The following GLI3 variants were observed in gnomAD, a reference collection of about 807,000 sequenced individuals.
The protein encoded by GLI3 is transcription activator GLI3.
GLI3 carries 20 observed loss-of-function variants against 100.8 expected under a neutral mutation model. The observed-to-expected ratio is 0.20, with a 90% CI of 0.14 to 0.29. The LOEUF (loss-of-function observed/expected upper bound fraction) is 0.29, where lower values mean the gene tolerates loss of function less well. Ranked by LOEUF, GLI3 falls within the 10% of genes least tolerant of loss-of-function variation. The probability of loss-of-function intolerance (pLI) is 1.00; values close to 1 mark genes in which losing one functional copy is unlikely to be tolerated. For synonymous variants in GLI3, 938 were observed against 860.5 expected, an observed-to-expected ratio of 1.09 and a Z score of -1.58; for missense variants, 2,040 against 2,128.5, an observed-to-expected ratio of 0.96 and a Z score of 0.82.
At chr7:42,121,123 G>T (rs1431135733) in intron 3 of GLI3, among the ~76,000 whole-genome samples, 1 of 152,092 alleles carries the variant, frequency 6.6e-6, no homozygotes, top group African/African-American at 2.4e-5. Flanking sequence ...TTCCCTCTTC[G>T]ACTTGAATCA....
chr7:42,160,540 T>G (rs1005323902), intron 2 of GLI3, among the ~76,000 whole-genome samples: 1 of 152,214 alleles, frequency 6.6e-6, no homozygotes, highest in Non-Finnish European at 1.5e-5. Flanking sequence ...TGAGATCAGG[T>G]GTAGAGTTTT....
intron 3 of GLI3, among the ~76,000 whole-genome samples, chr7:42,141,769 G>A (rs553941091): frequency 1.2e-4 from 18 of 152,344 alleles, no homozygotes; most frequent in Admixed American, 3.3e-4. Flanking sequence ...AGGTGACTAA[G>A]TTTGGATCAG....
At chr7:42,060,221 T>C (rs1266387913) in intron 4 of GLI3, among the ~76,000 whole-genome samples, 1 of 152,194 alleles carries the variant, frequency 6.6e-6, no homozygotes, top group Non-Finnish European at 1.5e-5. Flanking sequence ...CTGCTGCCAT[T>C]CCTAGAGCTC....
chr7:42,237,987 C>G (rs1041919995), upstream of GLI3: 1 of 155,424 alleles, frequency 6.4e-6, no homozygotes, highest in Non-Finnish European at 1.3e-5. Flanking sequence ...CCGCCGCCGC[C>G]GCCGCCGCCG....
At chr7:42,039,991 TG>T in intron 7 of GLI3, 46 bp downstream of exon 7, 1 of 1,405,760 alleles carries the variant, frequency 7.1e-7, no homozygotes, top group Non-Finnish European at 1.0e-6. Flanking sequence ...AAACAAGTGC[TG>T]ACATTACATT....
chr7:42,174,143 C>T (rs1057476939), intron 2 of GLI3, among the ~76,000 whole-genome samples: 3 of 151,958 alleles, frequency 2.0e-5, no homozygotes, highest in African/African-American at 7.3e-5. Flanking sequence ...AGTTAAAATA[C>T]TAGATAAAAC....
chr7:42,086,917 C>A (rs771256528), intron 3 of GLI3, among the ~76,000 whole-genome samples: 1 of 152,152 alleles, frequency 6.6e-6, no homozygotes, highest in Non-Finnish European at 1.5e-5. Context: ...ACCAACACAG[C>A]CATGGGGGTG....
chr7:42,130,305 G>A (rs1014262637), intron 3 of GLI3, among the ~76,000 whole-genome samples: 8 of 152,100 alleles, frequency 5.3e-5, no homozygotes, highest in African/African-American at 1.4e-4. Context: ...CCTTCTCCAC[G>A]GTTTTGGGGA....
At chr7:42,014,780 G>A (rs1367712020) in intron 10 of GLI3, among the ~76,000 whole-genome samples, 1 of 152,118 alleles carries the variant, frequency 6.6e-6, no homozygotes. Flanking sequence ...TGCATGAAGC[G>A]TTTTCTTCTA....
intron 2 of GLI3, among the ~76,000 whole-genome samples, chr7:42,164,991 T>C (rs1787211228): frequency 1.3e-5 from 2 of 150,710 alleles, no homozygotes; most frequent in African/African-American, 4.9e-5. Flanking sequence ...TCACTATTCA[T>C]GGGCCAGGAG....
At chr7:42,027,888 T>C (rs547040720) in intron 7 of GLI3, among the ~76,000 whole-genome samples, 4 of 152,318 alleles carry the variant, frequency 2.6e-5, no homozygotes, top group East Asian at 1.9e-4. Flanking sequence ...TGCAGCGTTA[T>C]AGTTACTGCC....
intron 3 of GLI3, among the ~76,000 whole-genome samples, chr7:42,110,953 A>G (rs1360094997): frequency 6.6e-6 from 1 of 152,174 alleles, no homozygotes; most frequent in African/African-American, 2.4e-5. Context: ...GAACAGCACG[A>G]GCTTTGGAAA....
At chr7:42,033,901 C>T (rs1789365363) in intron 7 of GLI3, among the ~76,000 whole-genome samples, 2 of 152,192 alleles carry the variant, frequency 1.3e-5, no homozygotes, top group South Asian at 4.1e-4. Flanking sequence ...AAGTAGAGTA[C>T]ACAAAGACCC....
At chr7:42,139,698 C>T (rs1786519409) in intron 3 of GLI3, among the ~76,000 whole-genome samples, 1 of 152,152 alleles carries the variant, frequency 6.6e-6, no homozygotes, top group Admixed American at 6.5e-5. Flanking sequence ...ATATATATGA[C>T]CTGCTACACA....
At chr7:42,025,590 G>A (rs1417124757) in intron 8 of GLI3, among the ~76,000 whole-genome samples, 6 of 152,156 alleles carry the variant, frequency 3.9e-5, no homozygotes, top group Non-Finnish European at 8.8e-5. Context: ...TTTTTAACTC[G>A]TGAGTATAAA....
chr7:42,000,316 A>G (rs1284632322), intron 10 of GLI3, among the ~76,000 whole-genome samples: 2 of 152,248 alleles, frequency 1.3e-5, no homozygotes, highest in Non-Finnish European at 2.9e-5. Context: ...TGGTTTTTTA[A>G]GTACATGAAT....
intron 10 of GLI3, among the ~76,000 whole-genome samples, chr7:42,010,270 T>C (rs1244712215): frequency 6.6e-6 from 1 of 152,268 alleles, no homozygotes; most frequent in African/African-American, 2.4e-5. Context: ...GCCTCATCTC[T>C]GCCTCTCTCC....
intron 2 of GLI3, among the ~76,000 whole-genome samples, chr7:42,172,032 T>C (rs1787384053): frequency 6.6e-6 from 1 of 151,974 alleles, no homozygotes; most frequent in African/African-American, 2.4e-5. Flanking sequence ...ATGCATGAGA[T>C]CTCAGCTATG....
intron 10 of GLI3, among the ~76,000 whole-genome samples, chr7:42,023,258 C>G (rs1215395129): frequency 2.0e-5 from 3 of 152,180 alleles, no homozygotes; most frequent in African/African-American, 7.2e-5. Flanking sequence ...CTATTGAAGA[C>G]TTTATTGAAT....
Sources: allele counts gnomAD v4.1 joint callset (sites outside exome capture counted in the v4.1 genomes callset), GRCh38; gene constraint gnomAD v4.1.1; transcripts MANE v1.5; gene names NCBI Gene and HGNC (gene_info 2026-07-23, HGNC 2026-07-21).